Variants in SNX29 observed in about 807,000 individuals in gnomAD.
SNX29 encodes the protein sorting nexin-29.
In SNX29, 78 loss-of-function variants were observed where a neutral mutation model predicts 102.1. The observed-to-expected ratio is 0.76, with a 90% CI of 0.64 to 0.92. The LOEUF is 0.92. SNX29 is among the 40% of genes least tolerant of loss of function. The probability of loss-of-function intolerance (pLI) is 0.00; values close to 1 mark genes in which losing one functional copy is unlikely to be tolerated. For synonymous variants in SNX29, 580 were observed against 414.5 expected, an observed-to-expected ratio of 1.40 and a Z score of -4.85; for missense variants, 1,280 against 1,061.7, an observed-to-expected ratio of 1.21 and a Z score of -2.86.
chr16:12,426,929 G>C (rs1015978227), intron 18 of SNX29, among the ~76,000 whole-genome samples: 1 of 152,194 alleles, frequency 6.6e-6, no homozygotes, highest in Non-Finnish European at 1.5e-5. Flanking sequence ...GCCTCCCAAA[G>C]TGCTGGGATT....
chr16:12,169,017 G>A (rs998242162), intron 13 of SNX29, among the ~76,000 whole-genome samples: 2 of 152,232 alleles, frequency 1.3e-5, no homozygotes, highest in Admixed American at 1.3e-4. Flanking sequence ...CTGAAGGATG[G>A]CTTTGGAGGT....
chr16:12,503,885 A>C (rs1341506161), intron 19 of SNX29, among the ~76,000 whole-genome samples: 1 of 152,234 alleles, frequency 6.6e-6, no homozygotes, highest in Non-Finnish European at 1.5e-5. Flanking sequence ...TTTTTTTAAA[A>C]AAAGTTTTAT....
At chr16:12,304,127 C>T (rs1029878672) in intron 15 of SNX29, among the ~76,000 whole-genome samples, 1 of 151,958 alleles carries the variant, frequency 6.6e-6, no homozygotes, top group Non-Finnish European at 1.5e-5. Flanking sequence ...GGAATGAGTC[C>T]CTTGACCAAG....
At chr16:12,108,980 T>C (rs1273660369) in intron 11 of SNX29, among the ~76,000 whole-genome samples, 1 of 151,554 alleles carries the variant, frequency 6.6e-6, no homozygotes, top group Non-Finnish European at 1.5e-5. Flanking sequence ...ATACAAAAAT[T>C]AGCTGGGTGC....
Position 12,048,736 on chromosome 16 carries a change from C to A in SNX29, c.748+116C>A, listed in dbSNP as rs950634692. On this transcript the variant is annotated intron_variant, in intron 7 of 20. Transcript: ENST00000566228. Reference sequence around the variant, plus strand: ...AGGGGAATGGAGTCCAGTGCACTTGCGTTTTCCATTTGTGTTTCTGTTTCT... The same window carrying A: ...AGGGGAATGGAGTCCAGTGCACTTGAGTTTTCCATTTGTGTTTCTGTTTCT... The A allele has an allele frequency of 2.6e-6, 4 of 1,540,724 alleles. No individual in the cohort carries two copies. In the East Asian group the frequency reaches 6.8e-5, roughly 26 times the overall value.
At chr16:12,460,635 C>G (rs962859759) in intron 18 of SNX29, among the ~76,000 whole-genome samples, 3 of 151,452 alleles carry the variant, frequency 2.0e-5, no homozygotes, top group African/African-American at 7.3e-5. Context: ...GGCTGGCTGG[C>G]TGCCTCACAA....
intron 20 of SNX29, chr16:12,526,611 T>C (rs1326699510): frequency 1.9e-6 from 1 of 533,112 alleles, no homozygotes; most frequent in South Asian, 1.5e-5. Context: ...CTCATCCTCT[T>C]AGCGGCATCC....
intron 13 of SNX29, among the ~76,000 whole-genome samples, chr16:12,192,626 C>T (rs2076671638): frequency 6.6e-6 from 1 of 152,218 alleles, no homozygotes; most frequent in Non-Finnish European, 1.5e-5. Flanking sequence ...ATCCTCCTGC[C>T]TCAGCCTCTG....
rs139975262 is a variant in SNX29 at position 12,567,082 on chromosome 16, C to A, written c.2319-1424C>A. 3.3e-4 allele frequency among the ~76,000 whole-genome samples: 51 copies of A among 152,326 alleles called. No homozygotes were observed. In the East Asian group the frequency reaches 8.9e-3, roughly 26 times the overall value. On this transcript the variant is annotated intron_variant, in intron 20 of 20. Transcript: ENST00000566228. Reference sequence around the variant, plus strand: ...TGTTTCAGGGAACCCTGCAGGGATCCTCGAGGGGAATGATTTCTTTATGAA... The same window carrying A: ...TGTTTCAGGGAACCCTGCAGGGATCATCGAGGGGAATGATTTCTTTATGAA...
At chr16:12,387,061 GC>G (rs1352755599) in intron 16 of SNX29, among the ~76,000 whole-genome samples, 1 of 151,994 alleles carries the variant, frequency 6.6e-6, no homozygotes, top group African/African-American at 2.4e-5. Context: ...GGAGGCAGAG[GC>G]TGCAGTGAGC....
Position 12,562,803 on chromosome 16 carries a change from C to T in SNX29, c.2319-5703C>T, listed in dbSNP as rs970254701. Among the ~76,000 whole-genome samples, 3 of 152,166 alleles carry T rather than the reference C, an allele frequency of 2.0e-5. No homozygotes were observed. In the East Asian group the frequency reaches 5.8e-4, roughly 29 times the overall value. On this transcript the variant is annotated intron_variant, in intron 20 of 20. Transcript: ENST00000566228. ...TAGCCATCACCATCAAGATGTGGAA[C>T]AACTCCTTTCCCCCCAAATTTCCTA...
At chr16:12,458,605 G>T (rs1390954182) in intron 18 of SNX29, among the ~76,000 whole-genome samples, 1 of 152,230 alleles carries the variant, frequency 6.6e-6, no homozygotes, top group African/African-American at 2.4e-5. Context: ...CTGCAAGGTT[G>T]TCCCAGCCAA....
chr16:12,379,199 T>G (rs1249027216), intron 16 of SNX29, among the ~76,000 whole-genome samples: 1 of 152,216 alleles, frequency 6.6e-6, no homozygotes, highest in Non-Finnish European at 1.5e-5. Flanking sequence ...AGCAGGGGTG[T>G]AGTGGTGAGT....
At chr16:12,447,478 C>A (rs1036524890) in intron 18 of SNX29, among the ~76,000 whole-genome samples, 2 of 152,170 alleles carry the variant, frequency 1.3e-5, no homozygotes, top group Non-Finnish European at 2.9e-5. Flanking sequence ...CTTTCTAAAC[C>A]TCATTTTTAA....
intron 3 of SNX29, among the ~76,000 whole-genome samples, chr16:12,008,120 A>AT (rs1413050145): frequency 6.6e-6 from 1 of 151,704 alleles, no homozygotes; most frequent in African/African-American, 2.4e-5. Context: ...ATTTGTTTGT[A>AT]TTTTTAGTAG....
In SNX29 at chr16:12,571,722, A is replaced by G; in HGVS notation, c.*3093A>G. 1 of 1,050,626 alleles carries G rather than the reference A, an allele frequency of 9.5e-7. No homozygotes were observed. The highest frequency in any genetic ancestry group is 1.2e-6 in the Non-Finnish European group (1 of 867,038). 65.1% of individuals were successfully genotyped at this position (1,050,626 alleles called of 1,614,324 possible). A position where few individuals can be genotyped will look rare whatever the true frequency, so the allele number is the denominator to read the frequency against. ...CAAAAGCTTCTAAGGGAGGGAGCTT[A>G]AAGGCTGCTAGAAACCTAGCCCAAC... On this transcript the variant is annotated 3_prime_UTR_variant, in exon 21 of 21. Coordinates refer to ENST00000566228, the MANE Select transcript of SNX29 (RefSeq NM_032167.5).
chr16:12,105,011 C>G (rs2053172653), intron 11 of SNX29, among the ~76,000 whole-genome samples: 1 of 152,168 alleles, frequency 6.6e-6, no homozygotes, highest in African/African-American at 2.4e-5. Flanking sequence ...TTAATGCTTC[C>G]TTCTGCAGGG....
intron 11 of SNX29, among the ~76,000 whole-genome samples, chr16:12,080,846 G>A (rs1170408788): frequency 1.3e-5 from 2 of 151,008 alleles, no homozygotes; most frequent in African/African-American, 4.9e-5. Context: ...CCCACGCCCG[G>A]CTAATTTTTG....
intron 20 of SNX29, among the ~76,000 whole-genome samples, chr16:12,545,864 G>A (rs941783813): frequency 6.6e-6 from 1 of 152,152 alleles, no homozygotes; most frequent in South Asian, 2.1e-4. Flanking sequence ...CCTTGAGAGG[G>A]TGAGCCTAAG....
Sources: gnomAD v4.1 joint callset for allele counts (sites outside exome capture counted in the v4.1 genomes callset) on GRCh38, gnomAD v4.1.1 for gene constraint, MANE v1.5 for transcripts, NCBI Gene and HGNC (gene_info 2026-07-23, HGNC 2026-07-21) for gene names.